LRP1B: variants seen among roughly 807,000 people sequenced by gnomAD.
The protein encoded by LRP1B is LDL receptor related protein 1B, also known as low-density lipoprotein receptor-related protein 1B.
A neutral mutation model predicts 556.6 loss-of-function variants in LRP1B; 217 were observed. The observed-to-expected ratio is 0.39, with a 90% CI of 0.35 to 0.44. The LOEUF is 0.44. LRP1B is among the 20% of genes least tolerant of loss of function. The probability of loss-of-function intolerance (pLI) is 1.00; values close to 1 mark genes in which losing one functional copy is unlikely to be tolerated. For synonymous variants in LRP1B, 2,047 were observed against 1,865.8 expected (o/e 1.10, Z -2.50); for missense variants, 5,053 against 5,620.8 (o/e 0.90, Z 3.23).
chr2:142,029,598 G>C (rs1703618103), intron 1 of LRP1B, among the ~76,000 whole-genome samples: 1 of 151,798 alleles, frequency 6.6e-6, no homozygotes, highest in South Asian at 2.1e-4. Flanking sequence ...TAAAAAAGTG[G>C]GACAACAACA....
rs1382847087 is a variant in LRP1B at position 140,536,653 on chromosome 2, T to C, written c.7570A>G (p.Ile2524Val). Residue 2524 changes from isoleucine (I) to valine (V), a missense_variant, in exon 46 of 91, where the codon ATT becomes GTT. By Grantham distance (29) the Ile-to-Val change is conservative (BLOSUM62 3). This residue lies in a region of LRP1B where 3,619 missense variants were observed against 3,931.9 expected (regional missense o/e 0.92). Coordinates refer to ENST00000389484, the MANE Select transcript of LRP1B (RefSeq NM_018557.3). ...SEFECGNGEC[I>V]DYQLTCDGIP... The stretch of plus-strand genomic sequence containing the variant: ...CCATCACAGGTGAGCTGGTAGTCAA[T>C]GCACTCACCATTTCCACATTCAAAC... 1.9e-6 allele frequency: 3 copies of C among 1,610,362 alleles called. No homozygotes were observed. The highest frequency in any genetic ancestry group is 2.7e-5 in the African/African-American group (2 of 74,648).
intron 41 of LRP1B, among the ~76,000 whole-genome samples, chr2:140,646,089 C>T (rs1559028777): frequency 6.6e-6 from 1 of 152,118 alleles, no homozygotes; most frequent in Non-Finnish European, 1.5e-5. Context: ...ACGCTCAAAA[C>T]TCAGTTCTCG....
intron 21 of LRP1B, among the ~76,000 whole-genome samples, chr2:140,922,539 G>A (rs1694767979): frequency 6.6e-6 from 1 of 151,910 alleles, no homozygotes; most frequent in Non-Finnish European, 1.5e-5. Context: ...ATTTTAGGGT[G>A]AGGCCTTATC....
intron 2 of LRP1B, among the ~76,000 whole-genome samples, chr2:141,642,966 A>G (rs1483761818): frequency 6.6e-6 from 1 of 152,164 alleles, no homozygotes; most frequent in African/African-American, 2.4e-5. Context: ...GTCGAGACCA[A>G]TGTGAACTCT....
At chr2:140,772,432 C>A (rs895463374) in intron 33 of LRP1B, among the ~76,000 whole-genome samples, 3 of 152,012 alleles carry the variant, frequency 2.0e-5, no homozygotes, top group Admixed American at 6.6e-5. Flanking sequence ...GCCTCAGCCT[C>A]CTGAGTAGCT....
chr2:141,293,260 T>C (rs1686045089), intron 3 of LRP1B, among the ~76,000 whole-genome samples: 1 of 152,200 alleles, frequency 6.6e-6, no homozygotes, highest in Non-Finnish European at 1.5e-5. Flanking sequence ...TAGGTTGATA[T>C]GACTCAAATA....
intron 2 of LRP1B, among the ~76,000 whole-genome samples, chr2:141,785,405 G>A (rs1320125113): frequency 1.3e-5 from 2 of 151,872 alleles, no homozygotes; most frequent in East Asian, 1.9e-4. Flanking sequence ...ATGTGTGATA[G>A]CAAGAAGCCG....
At chr2:140,663,408 T>C (rs1685164332) in intron 41 of LRP1B, among the ~76,000 whole-genome samples, 1 of 152,182 alleles carries the variant, frequency 6.6e-6, no homozygotes, top group Non-Finnish European at 1.5e-5. Flanking sequence ...GCTTCATCAA[T>C]TATCTTAGCT....
chr2:140,816,117 A>AT (rs574724280), intron 31 of LRP1B, among the ~76,000 whole-genome samples: 3,700 of 148,500 alleles, frequency 0.025, 53 homozygotes, highest in Middle Eastern at 0.037. Flanking sequence ...TCTCAACTGA[A>AT]TTTTTTTTTT....
chr2:142,090,814 C>T (rs1706139021), intron 1 of LRP1B, among the ~76,000 whole-genome samples: 1 of 151,988 alleles, frequency 6.6e-6, no homozygotes, highest in Admixed American at 6.6e-5. Context: ...TATATAGTTT[C>T]CAGGCTATTA....
At chr2:141,918,115 A>G (rs1700086406) in intron 1 of LRP1B, among the ~76,000 whole-genome samples, 1 of 152,110 alleles carries the variant, frequency 6.6e-6, no homozygotes, top group African/African-American at 2.4e-5. Context: ...AAGGGAAAAG[A>G]AAGAGAAGAA....
At chr2:141,113,967 A>G (rs1700817477) in intron 7 of LRP1B, among the ~76,000 whole-genome samples, 1 of 152,282 alleles carries the variant, frequency 6.6e-6, no homozygotes, top group Non-Finnish European at 1.5e-5. Flanking sequence ...GAAATTCTAA[A>G]TAGCATTTAT....
At chr2:140,783,717 T>C (rs1351264338) in intron 32 of LRP1B, among the ~76,000 whole-genome samples, 1 of 152,062 alleles carries the variant, frequency 6.6e-6, no homozygotes, top group African/African-American at 2.4e-5. Flanking sequence ...ATTGATGCAA[T>C]TGAAAATAGG....
chr2:140,466,516 T>C (rs1687555791), intron 60 of LRP1B, among the ~76,000 whole-genome samples: 1 of 152,170 alleles, frequency 6.6e-6, no homozygotes, highest in Admixed American at 6.5e-5. Context: ...ATCCTTTAAA[T>C]GACGAGCTGT....
chr2:140,919,036 AGG>A lies in LRP1B; in HGVS notation c.3319+3927_3319+3928del, dbSNP rs570176478. 5.3e-5 allele frequency among the ~76,000 whole-genome samples: 8 copies of A among 151,868 alleles called. No individual in the cohort carries two copies. The South Asian group carries it at 1.5e-3, about 28-fold the overall frequency. Reference sequence around the variant, plus strand: ...GTAATATTTTTTCTTTTTCTTTTCGAGGGTCTCAACATACTTATTGTAAACTT... The same window carrying A: ...GTAATATTTTTTCTTTTTCTTTTCGAGTCTCAACATACTTATTGTAAACTT... On this transcript the variant is annotated intron_variant, in intron 21 of 90. Transcript: ENST00000389484.
intron 5 of LRP1B, among the ~76,000 whole-genome samples, chr2:141,243,591 TA>T (rs1403275772): frequency 1.3e-5 from 2 of 152,184 alleles, no homozygotes; most frequent in Non-Finnish European, 2.9e-5. Context: ...ATGTCTCCTA[TA>T]AAAAACTATT....
chr2:141,259,676 G>T (rs1168332208), intron 3 of LRP1B, among the ~76,000 whole-genome samples: 2 of 152,162 alleles, frequency 1.3e-5, no homozygotes, highest in African/African-American at 4.8e-5. Flanking sequence ...CGAAAAATTG[G>T]ATTATTGTTG....
intron 67 of LRP1B, among the ~76,000 whole-genome samples, chr2:140,383,130 C>T (rs1473741487): frequency 1.3e-5 from 2 of 152,148 alleles, no homozygotes; most frequent in African/African-American, 4.8e-5. Context: ...TTAAGCAACA[C>T]ATGATGATAT....
At chr2:141,263,790 A>C (rs1324389084) in intron 3 of LRP1B, among the ~76,000 whole-genome samples, 1 of 152,202 alleles carries the variant, frequency 6.6e-6, no homozygotes, top group Admixed American at 6.5e-5. Flanking sequence ...ATATAAAAGG[A>C]TAATATGTCA....
Sources: allele counts gnomAD v4.1 joint callset (sites outside exome capture counted in the v4.1 genomes callset), GRCh38; gene constraint gnomAD v4.1.1; regional missense constraint gnomAD v4.1.1; transcripts MANE v1.5; gene names NCBI Gene and HGNC (gene_info 2026-07-23, HGNC 2026-07-21).